The following TMEM161B variants were observed in gnomAD, a reference collection of about 807,000 sequenced individuals.
TMEM161B encodes transmembrane protein 161B.
Under a neutral mutation model 61.8 loss-of-function variants are expected in TMEM161B, and 34 were observed. That is an observed-to-expected ratio of 0.55 (90% CI 0.42 to 0.73). The LOEUF (loss-of-function observed/expected upper bound fraction) is 0.73, where lower values mean the gene tolerates loss of function less well. Ranked by LOEUF, TMEM161B falls within the 30% of genes least tolerant of loss-of-function variation. The probability of loss-of-function intolerance (pLI) is 0.00; values close to 1 mark genes in which losing one functional copy is unlikely to be tolerated. For synonymous variants in TMEM161B, 167 were observed against 192.8 expected, an observed-to-expected ratio of 0.87 and a Z score of 1.11; for missense variants, 456 against 558.5, an observed-to-expected ratio of 0.82 and a Z score of 1.85.
At chr5:88,226,199 A>C (rs1206462598) in intron 3 of TMEM161B, among the ~76,000 whole-genome samples, 1 of 152,162 alleles carries the variant, frequency 6.6e-6, no homozygotes, top group Non-Finnish European at 1.5e-5. Flanking sequence ...AATGCAAATG[A>C]AGACAAAGTG....
At position 88,206,519 on chromosome 5, in the gene TMEM161B, A is replaced by AAAC; in HGVS notation, c.599-23_599-21dup. 6.4e-7 allele frequency: 1 copy of AAAC among 1,553,994 alleles called. No homozygotes were observed. Among genetic ancestry groups the AAAC allele is most frequent in the Non-Finnish European group, 8.7e-7 (1 of 1,150,494 alleles). Reference sequence around the variant, plus strand: ...TAAACCCTGTGGGGGAAAAAAAAAAAAACAACAGATTACTCTTATCACAAA... The same window carrying AAAC: ...TAAACCCTGTGGGGGAAAAAAAAAAAAACAACAACAGATTACTCTTATCACAAA... On this transcript the variant is annotated intron_variant, in intron 6 of 11. Transcript: ENST00000296595.
chr5:88,190,360 C>T, downstream of TMEM161B: 1 of 665,886 alleles, frequency 1.5e-6, no homozygotes, highest in South Asian at 1.6e-5. Flanking sequence ...TGACTCCTGA[C>T]CTAGATGGGT....
At chr5:88,217,984 A>G (rs1748219227) in intron 5 of TMEM161B, among the ~76,000 whole-genome samples, 1 of 152,068 alleles carries the variant, frequency 6.6e-6, no homozygotes. Context: ...TCATAAAACG[A>G]GCAGAATTCC....
intron 2 of TMEM161B, among the ~76,000 whole-genome samples, chr5:88,240,310 T>C (rs1004100846): frequency 6.6e-6 from 1 of 151,948 alleles, no homozygotes; most frequent in Non-Finnish European, 1.5e-5. Flanking sequence ...ATAGAATATA[T>C]GCTTTCAGTA....
chr5:88,266,217 T>C (rs1479416327), intron 1 of TMEM161B, among the ~76,000 whole-genome samples: 1 of 152,202 alleles, frequency 6.6e-6, no homozygotes, highest in Admixed American at 6.5e-5. Context: ...GAGCACAGAA[T>C]TAGTTTATCA....
chr5:88,188,737 A>T (rs1243866809), downstream of TMEM161B, among the ~76,000 whole-genome samples: 1 of 152,178 alleles, frequency 6.6e-6, no homozygotes, highest in Non-Finnish European at 1.5e-5. Context: ...CTCCCCGAAG[A>T]CAGAGCTCCT....
Position 88,206,421 on chromosome 5 carries a change from A to G in TMEM161B, c.659+18T>C. On this transcript the variant is annotated intron_variant, in intron 7 of 11. Coordinates refer to ENST00000296595, the MANE Select transcript of TMEM161B (RefSeq NM_153354.5). ...AAAAGGTTAAATTTAAATAATGCTT[A>G]ATTTTTCAAAAACTTACTGAGATTC... 2 of 1,575,010 alleles carry G rather than the reference A, an allele frequency of 1.3e-6. No individual in the cohort carries two copies. Among genetic ancestry groups the G allele is most frequent in the Non-Finnish European group, 1.7e-6 (2 of 1,158,440 alleles).
At chr5:88,266,593 C>A (rs1756408496) in intron 1 of TMEM161B, among the ~76,000 whole-genome samples, 1 of 152,176 alleles carries the variant, frequency 6.6e-6, no homozygotes, top group Non-Finnish European at 1.5e-5. Context: ...TTTTCCAAAT[C>A]CATATAACTA....
rs1387956057 is a variant in TMEM161B, at chr5:88,225,794, C to T, written c.264G>A (p.Lys88=). Residue 88 remains lysine (K), a synonymous_variant, in exon 4 of 12, where the codon AAG becomes AAA. Transcript: ENST00000296595. ...CTAAAGTATCCACTTCTGTAACTGA[C>T]TTTGTTTCTAGATGAAGGTCAATAT... ...PKDIDLHLET[K]SVTEVDTLAL... is the part of the protein sequence containing the mutation. The T allele has an allele frequency of 1.9e-6, 3 of 1,610,352 alleles. No homozygotes were observed. The highest frequency in any genetic ancestry group is 3.4e-4 in the Middle Eastern group (2 of 5,966).
In TMEM161B at chr5:88,228,542, G is replaced by C. The variant is rs756933434; in HGVS notation, c.108-14C>G. 3 of 1,562,698 alleles carry C rather than the reference G, an allele frequency of 1.9e-6. No homozygotes were observed. The highest frequency in any genetic ancestry group is 4.5e-5 in the East Asian group (2 of 44,002). ...TACCACCTCAAACTAAGCAAAAAAAGAATTCTTTTAAATAAAGCGCTTAAA... is the reference window on the plus strand; with the variant it reads ...TACCACCTCAAACTAAGCAAAAAAACAATTCTTTTAAATAAAGCGCTTAAA... On this transcript the variant is annotated splice_polypyrimidine_tract_variant and intron_variant, in intron 2 of 11. Transcript: ENST00000296595.
intron 2 of TMEM161B, among the ~76,000 whole-genome samples, chr5:88,236,673 T>A (rs1344751175): frequency 1.3e-5 from 2 of 152,206 alleles, no homozygotes; most frequent in Non-Finnish European, 2.9e-5. Context: ...TGTGAGGGCA[T>A]TAGATTCTTA....
downstream of TMEM161B, among the ~76,000 whole-genome samples, chr5:88,185,622 C>T (rs1023263685): frequency 2.6e-5 from 4 of 152,104 alleles, no homozygotes; most frequent in African/African-American, 4.8e-5. Context: ...TAGAGGAAAG[C>T]ATAAACGTAT....
At chr5:88,258,111 C>CAAATTAGAAATAG (rs1004079256) in intron 1 of TMEM161B, among the ~76,000 whole-genome samples, 6 of 152,106 alleles carry the variant, frequency 3.9e-5, no homozygotes, top group South Asian at 2.1e-4. Context: ...TAGTTGAAAT[C>CAAATTAGAAATAG]AAATTAGAAA....
intron 8 of TMEM161B, among the ~76,000 whole-genome samples, chr5:88,204,755 A>G (rs977399292): frequency 2.7e-5 from 4 of 148,142 alleles, no homozygotes; most frequent in African/African-American, 4.9e-5. Context: ...GTAAAAGGAG[A>G]AAAAAAAAAG....
intron 9 of TMEM161B, 132 bp from the exon 10 acceptor site, chr5:88,199,282 G>T: frequency 1.2e-6 from 1 of 804,568 alleles, no homozygotes; most frequent in Non-Finnish European, 1.9e-6. Context: ...AAAAGAATCT[G>T]ACTCTGCCAT....
chr5:88,241,814 C>A (rs528638821), intron 1 of TMEM161B, among the ~76,000 whole-genome samples: 1 of 151,860 alleles, frequency 6.6e-6, no homozygotes, highest in East Asian at 1.9e-4. Flanking sequence ...ACTCTCCACT[C>A]GGTAGAGGAC....
chr5:88,217,535 G>A (rs1472483090), intron 5 of TMEM161B, among the ~76,000 whole-genome samples: 1 of 151,280 alleles, frequency 6.6e-6, no homozygotes, highest in African/African-American at 2.4e-5. Context: ...TAAAAGTGCT[G>A]GTTACTGAAT....
At chr5:88,209,481 T>A (rs575546611) in intron 5 of TMEM161B, among the ~76,000 whole-genome samples, 3 of 152,116 alleles carry the variant, frequency 2.0e-5, no homozygotes, top group South Asian at 2.1e-4. Flanking sequence ...CACTTTGTTA[T>A]CCTAGAATAA....
chr5:88,266,012 G>A (rs1756328843), intron 1 of TMEM161B, among the ~76,000 whole-genome samples: 1 of 152,184 alleles, frequency 6.6e-6, no homozygotes. Flanking sequence ...GTGCAATAGA[G>A]CAAATGGCTT....
Sources: allele counts gnomAD v4.1 joint callset (sites outside exome capture counted in the v4.1 genomes callset), GRCh38; gene constraint gnomAD v4.1.1; transcripts MANE v1.5; gene names NCBI Gene and HGNC (gene_info 2026-07-23, HGNC 2026-07-21).